The following MCU variants were observed in gnomAD, a reference collection of about 807,000 sequenced individuals.
MCU encodes the protein mitochondrial calcium uniporter, also known as calcium uniporter protein, mitochondrial.
MCU carries 12 observed loss-of-function variants against 45.2 expected under a neutral mutation model. The observed-to-expected ratio is 0.27, with a 90% CI of 0.17 to 0.43. The LOEUF is 0.43. Among genes scored for constraint, MCU ranks in the 20% least tolerant of loss-of-function variants. The pLI is 1.00. For synonymous variants in MCU, 160 were observed against 165.1 expected (o/e 0.97, Z 0.24); for missense variants, 324 against 436.7 (o/e 0.74, Z 2.30).
chr10:72,878,111 C>CTTTTTTTTTTTTTTT (rs10715401), intron 6 of MCU, among the ~76,000 whole-genome samples: 1 of 77,950 alleles, frequency 1.3e-5, no homozygotes, highest in Admixed American at 1.7e-4. Context: ...AATAATTTTG[C>CTTTTTTTTTTTTTTT]TTTTTTTTTT....
rs1589464481 is a variant in MCU, at chr10:72,796,595, C to T, written c.151-37764C>T. Reference sequence around the variant, plus strand: ...GTTGGAGTAACATAGCACACTGCAACCTCATCCTCCTAGGTTCAGGTGATC... The same window carrying T: ...GTTGGAGTAACATAGCACACTGCAATCTCATCCTCCTAGGTTCAGGTGATC... On this transcript the variant is annotated intron_variant, in intron 1 of 7. Transcript: ENST00000373053. 3.9e-5 allele frequency among the ~76,000 whole-genome samples: 6 copies of T among 152,156 alleles called. No homozygotes were observed. In the South Asian group the frequency reaches 1.0e-3, roughly 26 times the overall value.
intron 5 of MCU, 77 bp from the exon 6 acceptor site, chr10:72,871,300 T>G: frequency 7.8e-7 from 1 of 1,290,052 alleles, no homozygotes. Context: ...CCTGTTTCTT[T>G]AGTGAACATA....
intron 1 of MCU, among the ~76,000 whole-genome samples, chr10:72,805,093 CTTTCTTTCTCTTTCTTTCTTTCTT>C (rs1366019528): frequency 7.0e-6 from 1 of 143,248 alleles, no homozygotes; most frequent in African/African-American, 2.9e-5. Context: ...TTCTTTCTTT[CTTTCTTTCTCTTTCTTTCTTTCTT>C]TCTTTCTTTC....
chr10:72,796,442 A>G (rs1844247487), intron 1 of MCU, among the ~76,000 whole-genome samples: 1 of 152,170 alleles, frequency 6.6e-6, no homozygotes, highest in Non-Finnish European at 1.5e-5. Context: ...AATAACAACA[A>G]CAACAAAAAA....
intron 1 of MCU, among the ~76,000 whole-genome samples, chr10:72,723,151 G>A (rs1017653398): frequency 6.6e-6 from 1 of 152,100 alleles, no homozygotes; most frequent in Admixed American, 6.6e-5. Flanking sequence ...AGCCGAGATT[G>A]GGCCACTGCA....
In MCU at chr10:72,840,599, C is replaced by A. The variant is rs753156735; in HGVS notation, c.220+6171C>A. ...CTATACCCCACCACTATATATCTTTCATTCCAACTTTAAAAAGACTTGACA... is the reference window on the plus strand; with the variant it reads ...CTATACCCCACCACTATATATCTTTAATTCCAACTTTAAAAAGACTTGACA... On this transcript the variant is annotated intron_variant, in intron 2 of 7. Transcript: ENST00000373053. 1.0e-3 allele frequency among the ~76,000 whole-genome samples: 153 copies of A among 152,176 alleles called. 1 individual carries two copies. Among genetic ancestry groups the A allele is most frequent in the Admixed American group, 2.0e-3 (30 of 15,276 alleles).
chr10:72,761,604 G>A (rs1843657635), intron 1 of MCU, among the ~76,000 whole-genome samples: 1 of 152,146 alleles, frequency 6.6e-6, no homozygotes, highest in South Asian at 2.1e-4. Context: ...GATTTGATTA[G>A]TGGAAAGAAT....
At chr10:72,740,359 CAG>C (rs1843310002) in intron 1 of MCU, among the ~76,000 whole-genome samples, 1 of 147,348 alleles carries the variant, frequency 6.8e-6, no homozygotes. Context: ...AGCCTGACAA[CAG>C]AGTGAGACTC....
intron 1 of MCU, among the ~76,000 whole-genome samples, chr10:72,817,524 A>G (rs1300970284): frequency 6.6e-6 from 1 of 152,220 alleles, no homozygotes; most frequent in Non-Finnish European, 1.5e-5. Context: ...TGTCTTTAAG[A>G]TGACAGTTAT....
rs982460022 is a variant in MCU, at chr10:72,799,129, A to T, written c.151-35230A>T. Among the ~76,000 whole-genome samples the T allele has an allele frequency of 2.0e-5, 3 of 151,176 alleles. No individual in the cohort carries two copies. In the East Asian group the frequency reaches 5.8e-4, roughly 29 times the overall value. ...TTTAGTAGAGACGGGGTTTCACCAT[A>T]TGGCCAGGCTGGTCTCGAACTCCTG... On this transcript the variant is annotated intron_variant, in intron 1 of 7. Coordinates refer to ENST00000373053, the MANE Select transcript of MCU (RefSeq NM_138357.3).
intron 1 of MCU, among the ~76,000 whole-genome samples, chr10:72,801,353 C>CTTTT (rs200952818): frequency 6.0e-5 from 6 of 100,404 alleles, no homozygotes; most frequent in African/African-American, 6.7e-5. Flanking sequence ...ATAATGCTTT[C>CTTTT]TTTTTTTTTT....
chr10:72,871,676 T>G, intron 6 of MCU, 96 bp downstream of exon 6: 1 of 1,014,828 alleles, frequency 9.9e-7, no homozygotes, highest in Non-Finnish European at 1.5e-6. Flanking sequence ...CCAGTTTTCT[T>G]TAAGTACTCA....
intron 1 of MCU, among the ~76,000 whole-genome samples, chr10:72,779,218 T>G (rs1345727807): frequency 6.6e-6 from 1 of 152,134 alleles, no homozygotes; most frequent in Non-Finnish European, 1.5e-5. Flanking sequence ...TCCCCCCACC[T>G]CGGCTTCCCA....
chr10:72,720,942 G>C (rs1462071220), intron 1 of MCU: 1 of 152,174 alleles, frequency 6.6e-6, no homozygotes, highest in African/African-American at 2.4e-5. Flanking sequence ...GTTTAGGTTA[G>C]AGTTAGATAC....
intron 1 of MCU, among the ~76,000 whole-genome samples, chr10:72,747,737 A>G (rs1197380455): frequency 2.0e-5 from 3 of 151,918 alleles, no homozygotes; most frequent in South Asian, 2.1e-4. Context: ...TTCTGGAGGC[A>G]GAGTGGGAGG....
At chr10:72,705,803 G>T (rs1178106621) in intron 1 of MCU, among the ~76,000 whole-genome samples, 1 of 149,298 alleles carries the variant, frequency 6.7e-6, no homozygotes, top group Non-Finnish European at 1.5e-5. Flanking sequence ...GTCTGTAAGA[G>T]CAAAAACTCC....
At chr10:72,870,192 A>G (rs544378933) in intron 5 of MCU, among the ~76,000 whole-genome samples, 1 of 152,256 alleles carries the variant, frequency 6.6e-6, no homozygotes, top group East Asian at 1.9e-4. Flanking sequence ...AGTATTTTGC[A>G]TTTTCTGATT....
chr10:72,822,622 A>G lies in MCU; in HGVS notation c.151-11737A>G, dbSNP rs566035275. On this transcript the variant is annotated intron_variant, in intron 1 of 7. Coordinates refer to ENST00000373053, the MANE Select transcript of MCU (RefSeq NM_138357.3). ...CTCAACATCATTACTTATAAGAGAA[A>G]TGGAAATCAAAGCCACGATGAGATA... Among the ~76,000 whole-genome samples, 3 of 152,346 alleles carry G rather than the reference A, an allele frequency of 2.0e-5. No individual in the cohort carries two copies. The East Asian group carries it at 5.8e-4, about 29-fold the overall frequency.
intron 1 of MCU, among the ~76,000 whole-genome samples, chr10:72,812,355 A>G (rs1844557440): frequency 6.6e-6 from 1 of 152,106 alleles, no homozygotes; most frequent in African/African-American, 2.4e-5. Context: ...CATGTTGGCC[A>G]GGCTGGTCTC....
Sources: allele counts gnomAD v4.1 joint callset (sites outside exome capture counted in the v4.1 genomes callset), GRCh38; gene constraint gnomAD v4.1.1; transcripts MANE v1.5; gene names NCBI Gene and HGNC (gene_info 2026-07-23, HGNC 2026-07-21).